The following TRPM3 variants were observed in gnomAD, a reference collection of about 807,000 sequenced individuals.
TRPM3 encodes long transient receptor potential channel 3.
Under a neutral mutation model 181.2 loss-of-function variants are expected in TRPM3, and 77 were observed. The observed-to-expected ratio is 0.42, with a 90% confidence interval of 0.35 to 0.51. The LOEUF is 0.51. TRPM3 is among the 20% of genes least tolerant of loss of function. The probability of loss-of-function intolerance (pLI) is 0.01; values close to 1 mark genes in which losing one functional copy is unlikely to be tolerated. For missense variants in TRPM3, 1,759 were observed against 2,196.7 expected (o/e 0.80, Z 3.98); for synonymous variants, 745 against 796.4 (o/e 0.94, Z 1.09).
Position 70,625,454 on chromosome 9 carries a change from GTAT to G in TRPM3, c.1668+25_1668+27del, listed in dbSNP as rs1421094081. 6.2e-6 allele frequency: 10 copies of G among 1,601,112 alleles called. No homozygotes were observed. Among genetic ancestry groups the G allele is most frequent in the Non-Finnish European group, 8.5e-6 (10 of 1,174,376 alleles). On this transcript the variant is annotated intron_variant, in intron 13 of 25. Transcript: ENST00000677713. This position sits in a 1 kb window ranked among gnomAD's most constrained non-coding sequence, Gnocchi z 4.8. ...ATAATGAAAAAAGAAACATATGAAT[GTAT>G]TATTATGCTGGTTAATTAATTCACC...
At chr9:71,095,415 T>C (rs1399473841) in intron 1 of TRPM3, among the ~76,000 whole-genome samples, 1 of 152,108 alleles carries the variant, frequency 6.6e-6, no homozygotes, top group Non-Finnish European at 1.5e-5. Context: ...TGCAGTTTCT[T>C]ATGAGCTCTT....
chr9:71,170,000 C>CAAA (rs34087746), intron 1 of TRPM3, among the ~76,000 whole-genome samples: 1 of 77,166 alleles, frequency 1.3e-5, no homozygotes, highest in African/African-American at 4.9e-5. Context: ...GACTCTGTCT[C>CAAA]AAAAAAAAAA....
intron 1 of TRPM3, among the ~76,000 whole-genome samples, chr9:71,423,194 T>C (rs1327633126): frequency 6.6e-6 from 1 of 152,128 alleles, no homozygotes; most frequent in African/African-American, 2.4e-5. Context: ...TCACTTTTTA[T>C]GTTTGTAGCA....
intron 1 of TRPM3, among the ~76,000 whole-genome samples, chr9:71,028,294 C>A (rs555517132): frequency 1.3e-5 from 2 of 152,078 alleles, no homozygotes; most frequent in African/African-American, 4.8e-5. Context: ...ACCAGACTTG[C>A]CGTATAAGAG....
Position 71,044,673 on chromosome 9 carries a change from A to AT in TRPM3, c.177+76504dup, listed in dbSNP as rs563631808. On this transcript the variant is annotated intron_variant, in intron 1 of 25. Transcript: ENST00000677713. ...TGTGACTCCAAACTTCCTTTCCAGC[A>AT]TTTTTTTTCGTTTTTTGAGACGGAG... Among the ~76,000 whole-genome samples the AT allele has an allele frequency of 4.5e-4, 69 of 151,824 alleles. No individual in the cohort carries two copies. In the South Asian group the frequency reaches 0.013, roughly 28 times the overall value.
chr9:70,625,353 A>G lies in TRPM3; in HGVS notation c.1669-22T>C, dbSNP rs760724813. Reference sequence around the variant, plus strand: ...TCCCCTATCAGGGTAGAATGAAACAAACAGACAAATCCAAAAGACAACGTG... The same window carrying G: ...TCCCCTATCAGGGTAGAATGAAACAGACAGACAAATCCAAAAGACAACGTG... On this transcript the variant is annotated intron_variant, in intron 13 of 25. Coordinates refer to ENST00000677713, the MANE Select transcript of TRPM3 (RefSeq NM_001366145.2). This position sits in a 1 kb window ranked among gnomAD's most constrained non-coding sequence, Gnocchi z 4.8. The G allele has an allele frequency of 3.7e-6, 6 of 1,613,662 alleles. No individual in the cohort carries two copies. The highest frequency in any genetic ancestry group is 1.1e-5 in the South Asian group (1 of 91,044).
intron 1 of TRPM3, among the ~76,000 whole-genome samples, chr9:71,192,788 T>C (rs2078112531): frequency 6.6e-6 from 1 of 151,870 alleles, no homozygotes; most frequent in Non-Finnish European, 1.5e-5. Context: ...TTTGTGCTTC[T>C]GTTGCTCATG....
At chr9:71,165,481 T>C (rs1167892874) in intron 1 of TRPM3, among the ~76,000 whole-genome samples, 1 of 152,100 alleles carries the variant, frequency 6.6e-6, no homozygotes, top group Non-Finnish European at 1.5e-5. Flanking sequence ...TCTAACAGCA[T>C]GTTGAGTGGG....
At chr9:70,935,816 C>T (rs1472496176) in intron 1 of TRPM3, among the ~76,000 whole-genome samples, 1 of 152,056 alleles carries the variant, frequency 6.6e-6, no homozygotes, top group African/African-American at 2.4e-5. Context: ...CAATCCGTAC[C>T]CCAAATCAAA....
chr9:71,189,849 A>T (rs1198261164), intron 1 of TRPM3, among the ~76,000 whole-genome samples: 1 of 151,836 alleles, frequency 6.6e-6, no homozygotes. Flanking sequence ...TCTTGATAAC[A>T]TATACCTCTA....
rs115765602 is a variant in TRPM3 at position 70,920,841 on chromosome 9, T to A, written c.178-56330A>T. Among the ~76,000 whole-genome samples the A allele has an allele frequency of 8.7e-3, 1,318 of 152,336 alleles. 14 individuals carry two copies. The highest frequency in any genetic ancestry group is 0.03 in the African/African-American group (1,236 of 41,572). On this transcript the variant is annotated intron_variant, in intron 1 of 25. Transcript: ENST00000677713. ...TTTTAACTGATCATAACTAAACTGA[T>A]CATAATTTTGTTGTAGACCAATATT... is the stretch of plus-strand genomic sequence containing the variant.
intron 1 of TRPM3, among the ~76,000 whole-genome samples, chr9:71,067,042 T>C (rs1172289267): frequency 6.6e-6 from 1 of 152,080 alleles, no homozygotes; most frequent in Non-Finnish European, 1.5e-5. Flanking sequence ...AAGGCATTAA[T>C]ACAGTTCTGT....
chr9:70,582,200 GT>G (rs1408845094), intron 22 of TRPM3, among the ~76,000 whole-genome samples: 1 of 151,898 alleles, frequency 6.6e-6, no homozygotes, highest in Non-Finnish European at 1.5e-5. Flanking sequence ...GTGTGTGTGT[GT>G]GTGTGTGTGT....
chr9:71,087,724 C>A (rs1385147378), intron 1 of TRPM3, among the ~76,000 whole-genome samples: 1 of 152,030 alleles, frequency 6.6e-6, no homozygotes, highest in African/African-American at 2.4e-5. Context: ...TTAATCAGCA[C>A]AGTAGATTTT....
chr9:71,051,542 G>A (rs943435264), intron 1 of TRPM3, among the ~76,000 whole-genome samples: 1 of 152,128 alleles, frequency 6.6e-6, no homozygotes, highest in African/African-American at 2.4e-5. Context: ...CTTCACTCAT[G>A]TTAGGGGCTC....
At chr9:70,963,666 A>G (rs1015850232) in intron 1 of TRPM3, among the ~76,000 whole-genome samples, 8 of 152,120 alleles carry the variant, frequency 5.3e-5, no homozygotes, top group Non-Finnish European at 1.0e-4. Flanking sequence ...GGAAGGAGTA[A>G]ATAACCTGTT....
chr9:70,974,308 G>A lies in TRPM3; in HGVS notation c.178-109797C>T, dbSNP rs540398217. On this transcript the variant is annotated intron_variant, in intron 1 of 25. Transcript: ENST00000677713. Reference sequence around the variant, plus strand: ...TAATACCAACACGTTGGCAGGTCAAGGCGGGGGGATCACGAGGTCAGGAGA... The same window carrying A: ...TAATACCAACACGTTGGCAGGTCAAAGCGGGGGGATCACGAGGTCAGGAGA... Among the ~76,000 whole-genome samples the A allele has an allele frequency of 4.9e-4, 74 of 152,152 alleles. 1 individual carries two copies. In the South Asian group the frequency reaches 7.9e-3, roughly 16 times the overall value.
chr9:71,244,447 T>C (rs1470950113), intron 1 of TRPM3, among the ~76,000 whole-genome samples: 2 of 152,102 alleles, frequency 1.3e-5, no homozygotes, highest in Non-Finnish European at 2.9e-5. Context: ...CCAACCTTCT[T>C]CATAACATGG....
intron 1 of TRPM3, among the ~76,000 whole-genome samples, chr9:71,352,839 T>C (rs1447672294): frequency 1.3e-5 from 2 of 151,910 alleles, no homozygotes; most frequent in African/African-American, 4.8e-5. Flanking sequence ...CCCTTGGAGG[T>C]GTAACCTTTC....
Sources: allele counts gnomAD v4.1 joint callset (sites outside exome capture counted in the v4.1 genomes callset), GRCh38; gene constraint gnomAD v4.1.1; non-coding constraint Gnocchi (gnomAD v3.1); transcripts MANE v1.5; gene names NCBI Gene and HGNC (gene_info 2026-07-23, HGNC 2026-07-21).